Variants in CHN1 observed in about 807,000 individuals in gnomAD.
CHN1 encodes the protein N-chimaerin.
CHN1 carries 37 observed loss-of-function variants against 59.5 expected under a neutral mutation model. The ratio of observed to expected loss-of-function variants is 0.62; its 90% CI spans 0.48 to 0.82. The LOEUF (loss-of-function observed/expected upper bound fraction) is 0.82. Among genes scored for constraint, CHN1 ranks in the 40% least tolerant of loss-of-function variants. The probability of loss-of-function intolerance (pLI) is 0.00; values close to 1 mark genes in which losing one functional copy is unlikely to be tolerated. For synonymous variants in CHN1, 206 were observed against 200.4 expected (o/e 1.03, Z -0.24); for missense variants, 469 against 571.0 (o/e 0.82, Z 1.82).
intron 6 of CHN1, among the ~76,000 whole-genome samples, chr2:174,848,426 G>A (rs908162573): frequency 6.6e-6 from 1 of 152,212 alleles, no homozygotes; most frequent in South Asian, 2.1e-4. Flanking sequence ...AGGTGCTACA[G>A]GATGCTTACA....
chr2:174,898,225 C>T lies in CHN1; in HGVS notation c.260+16833G>A, dbSNP rs376051821. Among the ~76,000 whole-genome samples the T allele has an allele frequency of 1.7e-3, 260 of 152,280 alleles. 8 individuals carry two copies. In the South Asian group the frequency reaches 0.045, roughly 26 times the overall value. ...AATGGAACTAGTCAGGGCCTCTCACCTTGTGGAGAGCCACACCAGCCTTGA... is the reference window on the plus strand; with the variant it reads ...AATGGAACTAGTCAGGGCCTCTCACTTTGTGGAGAGCCACACCAGCCTTGA... On this transcript the variant is annotated intron_variant, in intron 5 of 12. Transcript: ENST00000409900.
intron 5 of CHN1, among the ~76,000 whole-genome samples, chr2:174,907,648 A>G (rs573439902): frequency 6.8e-6 from 1 of 147,916 alleles, no homozygotes; most frequent in East Asian, 2.0e-4. Context: ...AAAATGATAC[A>G]TGTGCACTGT....
chr2:174,980,555 T>C (rs772165481), intron 1 of CHN1, among the ~76,000 whole-genome samples: 1 of 152,248 alleles, frequency 6.6e-6, no homozygotes, highest in Middle Eastern at 3.4e-3. Flanking sequence ...AATTCTTCAA[T>C]TCCTAATTGA....
intron 1 of CHN1, among the ~76,000 whole-genome samples, chr2:174,993,542 C>A (rs761365771): frequency 2.0e-5 from 3 of 151,366 alleles, no homozygotes; most frequent in Non-Finnish European, 2.9e-5. Context: ...CATACAGAGA[C>A]TTCTCTTTCA....
chr2:174,919,207 C>A (rs1032250650), intron 3 of CHN1, among the ~76,000 whole-genome samples: 1 of 152,184 alleles, frequency 6.6e-6, no homozygotes, highest in Non-Finnish European at 1.5e-5. Flanking sequence ...TTGGAACTTA[C>A]ATTCTAATAG....
At chr2:174,928,575 G>A (rs1280231619) in intron 3 of CHN1, among the ~76,000 whole-genome samples, 1 of 152,150 alleles carries the variant, frequency 6.6e-6, no homozygotes, top group Non-Finnish European at 1.5e-5. Flanking sequence ...GTGCAAATAA[G>A]GGCAAAATGA....
intron 7 of CHN1, among the ~76,000 whole-genome samples, chr2:174,842,299 T>C (rs1385952974): frequency 2.6e-5 from 4 of 152,232 alleles, no homozygotes; most frequent in Non-Finnish European, 5.9e-5. Flanking sequence ...ACACTGTTTC[T>C]GAATACGACA....
At chr2:174,982,374 C>CT (rs1691183650) in intron 1 of CHN1, among the ~76,000 whole-genome samples, 1 of 152,164 alleles carries the variant, frequency 6.6e-6, no homozygotes, top group African/African-American at 2.4e-5. Context: ...AATTGCCACA[C>CT]TGACTTCCAC....
At chr2:174,948,041 G>A (rs925444460) in intron 2 of CHN1, among the ~76,000 whole-genome samples, 2 of 152,162 alleles carry the variant, frequency 1.3e-5, no homozygotes, top group Non-Finnish European at 2.9e-5. Flanking sequence ...AGTCACCTTA[G>A]AAGTGTCAAT....
intron 8 of CHN1, among the ~76,000 whole-genome samples, chr2:174,821,163 G>A (rs1239254286): frequency 6.6e-6 from 1 of 152,182 alleles, no homozygotes; most frequent in Non-Finnish European, 1.5e-5. Context: ...GAGGTCAGAA[G>A]TTCAAAATCA....
chr2:174,844,401 G>A (rs969344526), intron 7 of CHN1, among the ~76,000 whole-genome samples: 1 of 152,134 alleles, frequency 6.6e-6, no homozygotes, highest in Admixed American at 6.6e-5. Context: ...CCTGAAATAA[G>A]GTTTGACAGC....
chr2:174,894,340 T>C (rs1157658781), intron 5 of CHN1, among the ~76,000 whole-genome samples: 3 of 152,042 alleles, frequency 2.0e-5, no homozygotes, highest in Admixed American at 2.0e-4. Flanking sequence ...CCAAAGAAGA[T>C]ATACAAATGA....
intron 5 of CHN1, among the ~76,000 whole-genome samples, chr2:174,906,658 GAGTA>G (rs1688552583): frequency 8.7e-6 from 1 of 114,490 alleles, no homozygotes. Flanking sequence ...CTTGCAAACA[GAGTA>G]AGAAAAAAAA....
intron 1 of CHN1, among the ~76,000 whole-genome samples, chr2:174,971,372 G>A (rs1690755421): frequency 6.6e-6 from 1 of 152,132 alleles, no homozygotes; most frequent in South Asian, 2.1e-4. Flanking sequence ...CATGTAAGGA[G>A]TTTATTTTTT....
intron 1 of CHN1, among the ~76,000 whole-genome samples, chr2:174,989,522 A>G (rs1691467751): frequency 6.6e-6 from 1 of 152,068 alleles, no homozygotes; most frequent in Non-Finnish European, 1.5e-5. Context: ...GTAATCCTGG[A>G]GCTTTGAAGA....
At chr2:174,972,219 C>T (rs1000388566) in intron 1 of CHN1, among the ~76,000 whole-genome samples, 43 of 152,084 alleles carry the variant, frequency 2.8e-4, no homozygotes, top group Non-Finnish European at 4.4e-5. Flanking sequence ...TTAGGATGTT[C>T]TCTGGTTCCC....
intron 5 of CHN1, among the ~76,000 whole-genome samples, chr2:174,904,358 G>A (rs1318284997): frequency 6.6e-6 from 1 of 152,148 alleles, no homozygotes; most frequent in Non-Finnish European, 1.5e-5. Flanking sequence ...ATAAAGTGCT[G>A]CATGTTTTAT....
chr2:174,979,319 C>A (rs1242368662), intron 1 of CHN1, among the ~76,000 whole-genome samples: 1 of 152,078 alleles, frequency 6.6e-6, no homozygotes, highest in South Asian at 2.1e-4. Flanking sequence ...AATAATTATT[C>A]CACTTGATAA....
intron 5 of CHN1, among the ~76,000 whole-genome samples, chr2:174,902,297 T>C (rs1688408978): frequency 6.6e-6 from 1 of 152,194 alleles, no homozygotes. Context: ...CATTTCCTAC[T>C]GTGTCACATC....
Sources: gnomAD v4.1 joint callset for allele counts (sites outside exome capture counted in the v4.1 genomes callset) on GRCh38, gnomAD v4.1.1 for gene constraint, MANE v1.5 for transcripts, NCBI Gene and HGNC (gene_info 2026-07-23, HGNC 2026-07-21) for gene names.